The following TBC1D32 variants were observed in gnomAD, a reference collection of about 807,000 sequenced individuals.
TBC1D32 encodes protein broad-minded.
Under a neutral mutation model 170.3 loss-of-function variants are expected in TBC1D32, and 151 were observed. The ratio of observed to expected loss-of-function variants is 0.89; its 90% CI spans 0.78 to 1.01. TBC1D32 has a LOEUF of 1.01. Ranked by LOEUF, TBC1D32 falls within the 50% of genes least tolerant of loss-of-function variation. The pLI is 0.00. For missense variants in TBC1D32, 1,464 were observed against 1,457.1 expected, an observed-to-expected ratio of 1.00 and a Z score of -0.08; for synonymous variants, 498 against 488.0, an observed-to-expected ratio of 1.02 and a Z score of -0.27.
Position 121,216,145 on chromosome 6 carries a change from T to C in TBC1D32, c.2481+7091A>G, listed in dbSNP as rs908321849. Among the ~76,000 whole-genome samples the C allele has an allele frequency of 2.6e-5, 4 of 152,330 alleles. No homozygotes were observed. In the East Asian group the frequency reaches 7.7e-4, roughly 29 times the overall value. ...GAAGGCAGACCCACTGTTAATCTGA[T>C]GGGAACCATCAAATCAGCTGCCAGC... On this transcript the variant is annotated intron_variant, in intron 21 of 31. Transcript: ENST00000398212.
At chr6:121,189,914 A>C (rs1789721358) in intron 22 of TBC1D32, among the ~76,000 whole-genome samples, 1 of 152,054 alleles carries the variant, frequency 6.6e-6, no homozygotes, top group South Asian at 2.1e-4. Flanking sequence ...CAATTATGGA[A>C]TTATGGACAA....
At position 121,147,182 on chromosome 6, in the gene TBC1D32, T is replaced by C. The variant is rs72959295; in HGVS notation, c.2773+12828A>G. On this transcript the variant is annotated intron_variant, in intron 24 of 31. Transcript: ENST00000398212. ...CTTTTTATGGCTGTGTAGTATTCCA[T>C]GGTGAATATGCACCATATTCTCTTT... Among the ~76,000 whole-genome samples, 324 of 152,350 alleles carry C rather than the reference T, an allele frequency of 2.1e-3. 1 individual carries two copies. The highest frequency in any genetic ancestry group is 3.2e-3 in the Non-Finnish European group (218 of 68,034).
intron 29 of TBC1D32, among the ~76,000 whole-genome samples, chr6:121,107,843 G>A (rs1029346170): frequency 6.6e-6 from 1 of 151,976 alleles, no homozygotes; most frequent in African/African-American, 2.4e-5. Context: ...TACCTTTAGA[G>A]TAGGTCCATT....
At chr6:121,241,036 A>T (rs915619749) in intron 19 of TBC1D32, among the ~76,000 whole-genome samples, 1 of 152,150 alleles carries the variant, frequency 6.6e-6, no homozygotes, top group African/African-American at 2.4e-5. Context: ...AGAGGGAGAA[A>T]GGGAATTAGG....
intron 26 of TBC1D32, among the ~76,000 whole-genome samples, chr6:121,125,639 T>C (rs1273727): frequency 0.99 from 150,394 of 152,196 alleles, 74,337 homozygotes; most frequent in East Asian, 1. Context: ...CTGGCTCAGA[T>C]GTGCACACAT....
chr6:121,131,102 CATT>C (rs1250812581), intron 25 of TBC1D32, among the ~76,000 whole-genome samples: 1 of 151,920 alleles, frequency 6.6e-6, no homozygotes. Flanking sequence ...CTTCTTTTTA[CATT>C]ATTCAAAATA....
intron 4 of TBC1D32, among the ~76,000 whole-genome samples, chr6:121,308,922 T>A (rs1807760618): frequency 6.6e-6 from 1 of 152,118 alleles, no homozygotes; most frequent in Admixed American, 6.6e-5. Flanking sequence ...AAGTCGTGAA[T>A]AATAACACAC....
At position 121,100,635 on chromosome 6, in the gene TBC1D32, GA is replaced by G. The variant is rs1381581695; in HGVS notation, c.3465+5387del. On this transcript the variant is annotated intron_variant, in intron 30 of 31. Transcript: ENST00000398212. ...ACTAAATGCCCACAAGAAAAAGCAG[GA>G]AAGATCTAAAATTGACACCCTAACA... 3.9e-5 allele frequency among the ~76,000 whole-genome samples: 6 copies of G among 152,114 alleles called. No homozygotes were observed. In the South Asian group the frequency reaches 1.2e-3, roughly 32 times the overall value.
chr6:121,253,579 C>A (rs979637636), intron 17 of TBC1D32, among the ~76,000 whole-genome samples: 3 of 151,936 alleles, frequency 2.0e-5, no homozygotes, highest in Non-Finnish European at 4.4e-5. Flanking sequence ...ATTAGCCGGG[C>A]GTGGTGGTGG....
intron 21 of TBC1D32, among the ~76,000 whole-genome samples, chr6:121,211,651 C>T (rs1314426610): frequency 6.6e-6 from 1 of 152,134 alleles, no homozygotes; most frequent in African/African-American, 2.4e-5. Context: ...TATTTCATTC[C>T]TTTATTATGG....
At chr6:121,086,490 C>T (rs1776285040) in intron 31 of TBC1D32, among the ~76,000 whole-genome samples, 1 of 152,118 alleles carries the variant, frequency 6.6e-6, no homozygotes, top group African/African-American at 2.4e-5. Flanking sequence ...CTTCATTTCT[C>T]ACCCTGTCAA....
chr6:121,310,419 T>G (rs1808019624), intron 4 of TBC1D32, among the ~76,000 whole-genome samples: 1 of 152,142 alleles, frequency 6.6e-6, no homozygotes, highest in Non-Finnish European at 1.5e-5. Context: ...TCACATTTTC[T>G]GAAAGTAAAA....
intron 22 of TBC1D32, among the ~76,000 whole-genome samples, chr6:121,170,162 C>T (rs1459161941): frequency 6.7e-6 from 1 of 149,674 alleles, no homozygotes; most frequent in Admixed American, 6.7e-5. Context: ...CACACACATA[C>T]ACACACACAC....
At chr6:121,257,243 CT>C (rs113769868) in intron 15 of TBC1D32, among the ~76,000 whole-genome samples, 7 of 150,918 alleles carry the variant, frequency 4.6e-5, no homozygotes, top group Admixed American at 1.3e-4. Flanking sequence ...GTTTCGTTTC[CT>C]TTTTTTTTCC....
Position 121,324,387 on chromosome 6 carries a change from A to C in TBC1D32, c.156-2593T>G, listed in dbSNP as rs1044602266. ...GATTGAATTTTCTTTAAAATGTTCA[A>C]TATTTATATTCGATGTTTAGATAGT... is the stretch of plus-strand genomic sequence containing the variant. On this transcript the variant is annotated intron_variant, in intron 1 of 31. Transcript: ENST00000398212. Among the ~76,000 whole-genome samples the C allele has an allele frequency of 5.9e-5, 9 of 152,272 alleles. No homozygotes were observed. In the South Asian group the frequency reaches 1.9e-3, roughly 32 times the overall value.
At chr6:121,215,875 A>G (rs1471991482) in intron 21 of TBC1D32, among the ~76,000 whole-genome samples, 1 of 152,220 alleles carries the variant, frequency 6.6e-6, no homozygotes, top group Non-Finnish European at 1.5e-5. Context: ...AATTGTGGAG[A>G]AAAGAGAACA....
At chr6:121,092,802 A>T (rs891982248) in intron 30 of TBC1D32, among the ~76,000 whole-genome samples, 1 of 152,074 alleles carries the variant, frequency 6.6e-6, no homozygotes, top group African/African-American at 2.4e-5. Flanking sequence ...TAACTTAATT[A>T]CTTCTTTAAA....
At chr6:121,184,965 C>G (rs771579318) in intron 22 of TBC1D32, among the ~76,000 whole-genome samples, 9 of 151,912 alleles carry the variant, frequency 5.9e-5, no homozygotes, top group Non-Finnish European at 1.2e-4. Flanking sequence ...ATTCACAAGT[C>G]AAAATTATTC....
chr6:121,278,442 T>G (rs1370037314), intron 15 of TBC1D32, among the ~76,000 whole-genome samples: 1 of 152,130 alleles, frequency 6.6e-6, no homozygotes, highest in Non-Finnish European at 1.5e-5. Flanking sequence ...GCTCAACATT[T>G]GAACATCAAT....
Sources: gnomAD v4.1 joint callset for allele counts (sites outside exome capture counted in the v4.1 genomes callset) on GRCh38, gnomAD v4.1.1 for gene constraint, MANE v1.5 for transcripts, NCBI Gene and HGNC (gene_info 2026-07-23, HGNC 2026-07-21) for gene names.